Variants in KCNQ1 observed in about 807,000 individuals in gnomAD.
KCNQ1 encodes potassium voltage-gated channel subfamily KQT member 1.
Under a neutral mutation model 72.4 loss-of-function variants are expected in KCNQ1, and 49 were observed. That is an observed-to-expected ratio of 0.68 (90% CI 0.54 to 0.86). KCNQ1 has a LOEUF of 0.86. Ranked by LOEUF, KCNQ1 falls within the 40% of genes least tolerant of loss-of-function variation. KCNQ1 has a pLI of 0.00. For missense variants in KCNQ1, 790 were observed against 945.1 expected, an observed-to-expected ratio of 0.84 and a Z score of 2.15; for synonymous variants, 450 against 412.6, an observed-to-expected ratio of 1.09 and a Z score of -1.10.
At chr11:2,533,866 G>A (rs534072369) in intron 2 of KCNQ1, among the ~76,000 whole-genome samples, 2 of 152,334 alleles carry the variant, frequency 1.3e-5, no homozygotes, top group African/African-American at 4.8e-5. Context: ...CACAAACACG[G>A]CTAGTCCGCG....
chr11:2,557,777 G>A (rs1848094349), intron 2 of KCNQ1, among the ~76,000 whole-genome samples: 1 of 152,238 alleles, frequency 6.6e-6, no homozygotes, highest in African/African-American at 2.4e-5. Flanking sequence ...TCCTGATGCA[G>A]GTGTCACAGA....
In KCNQ1 at chr11:2,661,469, C is replaced by A; in HGVS notation, c.1394-492C>A. On this transcript the variant is annotated intron_variant, in intron 10 of 15. Coordinates refer to ENST00000155840, the MANE Select transcript of KCNQ1 (RefSeq NM_000218.3). The surrounding 1 kb of genome is among the most constrained non-coding windows in gnomAD (Gnocchi z 5.9). ...GTGTTTTGAGGAAGGAGTTCTGTGG[C>A]TGCCCCCACCTCCCAGGCTTGCCAT... 1 of 437,258 alleles carries A rather than the reference C, an allele frequency of 2.3e-6. No individual in the cohort carries two copies. The highest frequency in any genetic ancestry group is 3.8e-5 in the Admixed American group (1 of 26,126). 27.1% of individuals were successfully genotyped at this position (437,258 alleles called of 1,614,324 possible).
intron 6 of KCNQ1, among the ~76,000 whole-genome samples, chr11:2,580,518 A>C (rs1413331881): frequency 6.6e-6 from 1 of 152,212 alleles, no homozygotes; most frequent in Admixed American, 6.5e-5. Context: ...TCCCCAGAGG[A>C]CGGGGATCCC....
At position 2,599,194 on chromosome 11, in the gene KCNQ1, C is replaced by G. The variant is rs1489842506; in HGVS notation, c.1393+10340C>G. ...TTTTTCCTGATGTTCATATAATATTCAATGAAATAAAATACATGTGACATA... is the reference window on the plus strand; with the variant it reads ...TTTTTCCTGATGTTCATATAATATTGAATGAAATAAAATACATGTGACATA... On this transcript the variant is annotated intron_variant, in intron 10 of 15. Transcript: ENST00000155840. The surrounding 1 kb of genome is among the most constrained non-coding windows in gnomAD (Gnocchi z 4.7). Among the ~76,000 whole-genome samples, 1 of 152,082 alleles carries G rather than the reference C, an allele frequency of 6.6e-6. No homozygotes were observed. The highest frequency in any genetic ancestry group is 1.5e-5 in the Non-Finnish European group (1 of 68,016).
In KCNQ1 at chr11:2,713,555, G is replaced by A. The variant is rs903539803; in HGVS notation, c.1514+51474G>A. 6.6e-6 allele frequency among the ~76,000 whole-genome samples: 1 copy of A among 152,100 alleles called. No homozygotes were observed. ...TGTGGGAAGGGGGTCTGGAGGACAG[G>A]CACCCTTGTTGGCCGTGGATAGGTT... On this transcript the variant is annotated intron_variant, in intron 11 of 15. Coordinates refer to ENST00000155840, the MANE Select transcript of KCNQ1 (RefSeq NM_000218.3). This position sits in a 1 kb window ranked among gnomAD's most constrained non-coding sequence, Gnocchi z 5.6.
Position 2,663,147 on chromosome 11 carries a change from TG to T in KCNQ1, c.1514+1067del. ...TTATGATCAGACAGGACCTGCCCAC[TG>T]TCTTTCCAGGCCCCCCCAGTTCACA... On this transcript the variant is annotated intron_variant, in intron 11 of 15. Coordinates refer to ENST00000155840, the MANE Select transcript of KCNQ1 (RefSeq NM_000218.3). This position sits in a 1 kb window ranked among gnomAD's most constrained non-coding sequence, Gnocchi z 5.2. The T allele has an allele frequency of 5.0e-6, 2 of 398,702 alleles. No individual in the cohort carries two copies. Among genetic ancestry groups the T allele is most frequent in the Non-Finnish European group, 8.8e-6 (2 of 226,134 alleles). The allele number at this position is 398,702 out of a possible 1,614,324, so 24.7% of individuals were successfully genotyped here.
At chr11:2,456,932 C>T (rs1474974067) in intron 1 of KCNQ1, among the ~76,000 whole-genome samples, 19 of 115,136 alleles carry the variant, frequency 1.7e-4, no homozygotes, top group East Asian at 7.5e-4. Context: ...GAGCAAGACT[C>T]GGTCTCAAAA....
At position 2,723,132 on chromosome 11, in the gene KCNQ1, C is replaced by T. The variant is rs1845700555; in HGVS notation, c.1515-45712C>T. Among the ~76,000 whole-genome samples the T allele has an allele frequency of 6.6e-6, 1 of 152,250 alleles. No individual in the cohort carries two copies. On this transcript the variant is annotated intron_variant, in intron 11 of 15. Coordinates refer to ENST00000155840, the MANE Select transcript of KCNQ1 (RefSeq NM_000218.3). The surrounding 1 kb of genome is among the most constrained non-coding windows in gnomAD (Gnocchi z 4.2). Reference sequence around the variant, plus strand: ...AAACAGGCTCCGCCTTCCTCTGTGGCTCTGCCTTCCTCTTGGCTCCGCCTT... The same window carrying T: ...AAACAGGCTCCGCCTTCCTCTGTGGTTCTGCCTTCCTCTTGGCTCCGCCTT...
rs11523905 is a variant in KCNQ1, at chr11:2,477,029, G to T, written c.386+31545G>T. On this transcript the variant is annotated intron_variant, in intron 1 of 15. Coordinates refer to ENST00000155840, the MANE Select transcript of KCNQ1 (RefSeq NM_000218.3). The surrounding 1 kb of genome is among the most constrained non-coding windows in gnomAD (Gnocchi z 5.0). Reference sequence around the variant, plus strand: ...CAGTACTTTGTAAAATTGTACTCCAGTGAATTTGAAAAATGTTGTGAGATG... The same window carrying T: ...CAGTACTTTGTAAAATTGTACTCCATTGAATTTGAAAAATGTTGTGAGATG... Among the ~76,000 whole-genome samples the T allele has an allele frequency of 0.091, 13,907 of 152,218 alleles. 831 individuals are homozygous for T. Among genetic ancestry groups the T allele is most frequent in the East Asian group, 0.24 (1,260 of 5,174 alleles).
intron 2 of KCNQ1, among the ~76,000 whole-genome samples, chr11:2,534,988 GAGCTAGGCCCAGAGGACT>G (rs1250599267): frequency 1.3e-5 from 2 of 152,180 alleles, no homozygotes; most frequent in Non-Finnish European, 2.9e-5. Context: ...TGAGCCCCTG[GAGCTAGGCCCAGAGGACT>G]TGACAGATGT....
At chr11:2,680,956 A>G (rs1850386355) in intron 11 of KCNQ1, 2 of 398,548 alleles carry the variant, frequency 5.0e-6, no homozygotes, top group Middle Eastern at 6.3e-4. Context: ...ACTATTTACT[A>G]GTGTTTTCAA....
rs759261605 is a variant in KCNQ1, at chr11:2,602,014, G to T, written c.1393+13160G>T. ...CATCCTGGGTTATCTGAATGGGCCC[G>T]GTGTAATCACAAGGGTCCTTATAAC... On this transcript the variant is annotated intron_variant, in intron 10 of 15. Transcript: ENST00000155840. This position sits in a 1 kb window ranked among gnomAD's most constrained non-coding sequence, Gnocchi z 4.8. 6.6e-6 allele frequency among the ~76,000 whole-genome samples: 1 copy of T among 152,122 alleles called. No individual in the cohort carries two copies. Among genetic ancestry groups the T allele is most frequent in the South Asian group, 2.1e-4 (1 of 4,828 alleles).
Position 2,711,190 on chromosome 11 carries a change from T to C in KCNQ1, c.1514+49109T>C, listed in dbSNP as rs963570440. On this transcript the variant is annotated intron_variant, in intron 11 of 15. Transcript: ENST00000155840. This position sits in a 1 kb window ranked among gnomAD's most constrained non-coding sequence, Gnocchi z 5.4. ...TTTTCAGTATAGTTTTTGCACTACTTTGTAAATCCTACAGGGTTTTGTGTG... is the reference window on the plus strand; with the variant it reads ...TTTTCAGTATAGTTTTTGCACTACTCTGTAAATCCTACAGGGTTTTGTGTG... Among the ~76,000 whole-genome samples, 13 of 152,236 alleles carry C rather than the reference T, an allele frequency of 8.5e-5. No individual in the cohort carries two copies. Among genetic ancestry groups the C allele is most frequent in the African/African-American group, 2.9e-4 (12 of 41,454 alleles).
chr11:2,624,944 T>C lies in KCNQ1; in HGVS notation c.1393+36090T>C, dbSNP rs564453091. The C allele has an allele frequency of 2.3e-5, 9 of 398,614 alleles. No homozygotes were observed. In the South Asian group the frequency reaches 1.0e-3, roughly 45 times the overall value. The allele number at this position is 398,614 out of a possible 1,614,324, so 24.7% of individuals were successfully genotyped here. A position where few individuals can be genotyped will look rare whatever the true frequency, so the allele number is the denominator to read the frequency against. ...CTATTTTTTTTAAAGCTGAATAATA[T>C]TACATTGTATGTATATACCACATTT... On this transcript the variant is annotated intron_variant, in intron 10 of 15. Coordinates refer to ENST00000155840, the MANE Select transcript of KCNQ1 (RefSeq NM_000218.3). The surrounding 1 kb of genome is among the most constrained non-coding windows in gnomAD (Gnocchi z 4.9).
chr11:2,666,487 G>A, intron 11 of KCNQ1: 1 of 398,684 alleles, frequency 2.5e-6, no homozygotes, highest in East Asian at 3.6e-5. Flanking sequence ...AGACATTCGA[G>A]TTGCTCTTTT....
Position 2,653,545 on chromosome 11 carries a change from C to T in KCNQ1, c.1394-8416C>T, listed in dbSNP as rs183277216. The T allele has an allele frequency of 5.0e-6, 2 of 398,812 alleles. No individual in the cohort carries two copies. The highest frequency in any genetic ancestry group is 4.1e-5 in the African/African-American group (2 of 48,646). 24.7% of individuals were successfully genotyped at this position (398,812 alleles called of 1,614,324 possible). ...TGCTCTCACTCTCCCCTCTTGCACT[C>T]CCCTTCTCCCTTCCCGTTCCCTCTT... On this transcript the variant is annotated intron_variant, in intron 10 of 15. Coordinates refer to ENST00000155840, the MANE Select transcript of KCNQ1 (RefSeq NM_000218.3). This position sits in a 1 kb window ranked among gnomAD's most constrained non-coding sequence, Gnocchi z 5.3.
intron 11 of KCNQ1, among the ~76,000 whole-genome samples, chr11:2,718,331 G>C (rs1851133234): frequency 6.6e-6 from 1 of 152,176 alleles, no homozygotes; most frequent in South Asian, 2.1e-4. Flanking sequence ...CCCCAGACTG[G>C]CTTCCCTGCA....
chr11:2,545,953 CAAAG>C (rs1343255965), intron 2 of KCNQ1, among the ~76,000 whole-genome samples: 1 of 152,098 alleles, frequency 6.6e-6, no homozygotes, highest in East Asian at 1.9e-4. Context: ...TTATGGATCT[CAAAG>C]AATCAGCTTT....
chr11:2,646,949 A>G (rs765029748), intron 10 of KCNQ1: 3 of 398,486 alleles, frequency 7.5e-6, no homozygotes, highest in Non-Finnish European at 1.3e-5. Flanking sequence ...ACAATATGAC[A>G]TTCTCTTTTC....
Sources: allele counts gnomAD v4.1 joint callset (sites outside exome capture counted in the v4.1 genomes callset), GRCh38; gene constraint gnomAD v4.1.1; non-coding constraint Gnocchi (gnomAD v3.1); transcripts MANE v1.5; gene names NCBI Gene and HGNC (gene_info 2026-07-23, HGNC 2026-07-21).